ZNF354C: variants seen among roughly 807,000 people sequenced by gnomAD.
ZNF354C encodes the protein zinc finger protein 354C, also known as KRAB-zinc finger protein synten.
A neutral mutation model predicts 12.4 loss-of-function variants in ZNF354C; 7 were observed. The observed-to-expected ratio is 0.56, with a 90% CI of 0.32 to 1.06. The LOEUF (loss-of-function observed/expected upper bound fraction) is 1.06, where lower values mean the gene tolerates loss of function less well. Among genes scored for constraint, ZNF354C ranks in the 50% least tolerant of loss-of-function variants. The pLI, the probability that ZNF354C is intolerant of heterozygous loss-of-function variation, is 0.04. For missense variants in ZNF354C, 609 were observed against 658.0 expected, an observed-to-expected ratio of 0.93 and a Z score of 0.81; for synonymous variants, 202 against 224.5, an observed-to-expected ratio of 0.90 and a Z score of 0.90.
At chr5:179,077,223 A>G in intron 4 of ZNF354C, 57 bp downstream of exon 4, 1 of 1,386,632 alleles carries the variant, frequency 7.2e-7, no homozygotes, top group Admixed American at 1.7e-5. Context: ...AGTAGGTCAC[A>G]AAGAGGCAGT....
chr5:179,071,263 C>T (rs777777594), intron 2 of ZNF354C, among the ~76,000 whole-genome samples: 8 of 151,764 alleles, frequency 5.3e-5, no homozygotes, highest in South Asian at 2.1e-4. Flanking sequence ...CACACGCTAA[C>T]GAGAACAACT....
chr5:179,075,525 A>AT (rs1473811101), intron 2 of ZNF354C, among the ~76,000 whole-genome samples: 1 of 152,210 alleles, frequency 6.6e-6, no homozygotes. Flanking sequence ...ACTGTAAAAA[A>AT]CTGTAAGCCT....
chr5:179,077,197 G>C, intron 4 of ZNF354C, 31 bp downstream of exon 4: 2 of 1,577,756 alleles, frequency 1.3e-6, no homozygotes, highest in Non-Finnish European at 1.7e-6. Context: ...TGGGCACAAG[G>C]GGTTCTTTAT....
At chr5:179,071,389 C>CT (rs1762049921) in intron 2 of ZNF354C, among the ~76,000 whole-genome samples, 1 of 88,308 alleles carries the variant, frequency 1.1e-5, no homozygotes, top group Non-Finnish European at 2.4e-5. Context: ...TTTTTTTTTA[C>CT]TTTTTAAAAT....
chr5:179,077,108 G>T lies in ZNF354C; in HGVS notation c.192G>T (p.Leu64Phe). 1 of 1,614,210 alleles carries T rather than the reference G, an allele frequency of 6.2e-7. No homozygotes were observed. The highest frequency in any genetic ancestry group is 8.5e-7 in the Non-Finnish European group (1 of 1,180,040). Residue 64 changes from leucine (L) to phenylalanine (F), a missense_variant, in exon 4 of 5, where the codon TTG (leucine) becomes TTT (phenylalanine). Leu to Phe is a conservative substitution (Grantham distance 22, BLOSUM62 0). Coordinates refer to ENST00000315475, the MANE Select transcript of ZNF354C (RefSeq NM_014594.3). Reference protein sequence around the residue: ...PFSMPKLIHQLQQGEDPCMVE... With the variant: ...PFSMPKLIHQFQQGEDPCMVE... Reference sequence around the variant, plus strand: ...CAATGCCAAAGTTGATTCATCAGTTGCAGCAAGGAGAAGATCCCTGCATGG... The same window carrying T: ...CAATGCCAAAGTTGATTCATCAGTTTCAGCAAGGAGAAGATCCCTGCATGG...
rs779173380 is a variant in ZNF354C, at chr5:179,079,520, A to G, written c.1088A>G (p.Lys363Arg). Residue 363 changes from lysine (K) to arginine (R), a missense_variant, in exon 5 of 5, where the codon AAG becomes AGG. By Grantham distance (26) the Lys-to-Arg change is conservative. Transcript: ENST00000315475. The surrounding 1 kb of genome is among the most constrained non-coding windows in gnomAD (Gnocchi z 4.2). ...EKPYKCSECG[K>R]GYSQFTSLAE... ...CCCTATAAATGTAGTGAGTGTGGGA[A>G]GGGATACAGCCAGTTTACATCTCTA... 2 of 1,614,208 alleles carry G rather than the reference A, an allele frequency of 1.2e-6. No individual in the cohort carries two copies. The highest frequency in any genetic ancestry group is 1.7e-6 in the Non-Finnish European group (2 of 1,180,028).
At chr5:179,076,787 T>C (rs2113122711) in intron 3 of ZNF354C, among the ~76,000 whole-genome samples, 1 of 152,278 alleles carries the variant, frequency 6.6e-6, no homozygotes, top group Admixed American at 6.5e-5. Context: ...ATCAGTTCCC[T>C]CCTTGGAGTA....
chr5:179,075,302 G>A (rs1762103356), intron 2 of ZNF354C, among the ~76,000 whole-genome samples: 1 of 151,272 alleles, frequency 6.6e-6, no homozygotes, highest in South Asian at 2.1e-4. Flanking sequence ...TGTGCCTGTA[G>A]TCCCAGCTAC....
At chr5:179,062,859 G>T (rs1050597862) in intron 2 of ZNF354C, among the ~76,000 whole-genome samples, 5 of 152,012 alleles carry the variant, frequency 3.3e-5, no homozygotes, top group Non-Finnish European at 5.9e-5. Context: ...CTCTACCTGG[G>T]CTCTTTTTTC....
At position 179,068,624 on chromosome 5, in the gene ZNF354C, CTT is replaced by C. The variant is rs60825556; in HGVS notation, c.27+6543_27+6544del. 1.4e-3 allele frequency among the ~76,000 whole-genome samples: 191 copies of C among 140,342 alleles called. 1 individual carries two copies. The highest frequency in any genetic ancestry group is 0.012 in the East Asian group (57 of 4,826). 92.1% of individuals were successfully genotyped at this position (140,342 alleles called of 152,430 possible). ...ATGAAATTTTAAAAGAAAAAGAATG[CTT>C]TTTTTTTTTTTTTCCTGGAAGTATT... On this transcript the variant is annotated intron_variant, in intron 2 of 4. Transcript: ENST00000315475.
At chr5:179,075,426 A>C (rs1323773147) in intron 2 of ZNF354C, among the ~76,000 whole-genome samples, 1 of 151,876 alleles carries the variant, frequency 6.6e-6, no homozygotes, top group African/African-American at 2.4e-5. Flanking sequence ...ATCTCAAAAA[A>C]AAAATTATAA....
chr5:179,073,428 G>A (rs1198434210), intron 2 of ZNF354C, among the ~76,000 whole-genome samples: 2 of 152,164 alleles, frequency 1.3e-5, no homozygotes, highest in Non-Finnish European at 2.9e-5. Flanking sequence ...AAGTGCAGCT[G>A]ATTGCTTAAA....
At chr5:179,068,927 G>T (rs532548776) in intron 2 of ZNF354C, among the ~76,000 whole-genome samples, 2 of 152,348 alleles carry the variant, frequency 1.3e-5, no homozygotes, top group Admixed American at 6.5e-5. Flanking sequence ...CCTCTCCTGC[G>T]CATGAGCGTG....
Position 179,078,711 on chromosome 5 carries a change from A to C in ZNF354C, c.279A>C (p.Ala93=), listed in dbSNP as rs979280998. 2 of 1,601,272 alleles carry C rather than the reference A, an allele frequency of 1.2e-6. No individual in the cohort carries two copies. The highest frequency in any genetic ancestry group is 1.7e-4 in the Middle Eastern group (1 of 5,970). ...TCAAGACTTGGCTTGAAACAGAAGCATTGCCTCATAGACAGGACATTTTTA... is the reference window on the plus strand; with the variant it reads ...TCAAGACTTGGCTTGAAACAGAAGCCTTGCCTCATAGACAGGACATTTTTA... ...LGFKTWLETE[A]LPHRQDIFIE... Residue 93 remains alanine, a synonymous_variant, in exon 5 of 5, where the codon GCA becomes GCC. Transcript: ENST00000315475.
chr5:179,064,551 G>T (rs1465160960), intron 2 of ZNF354C, among the ~76,000 whole-genome samples: 3 of 151,694 alleles, frequency 2.0e-5, no homozygotes, highest in Admixed American at 1.3e-4. Flanking sequence ...CGAGTAGCTG[G>T]GACTACAGGC....
At position 179,082,475 on chromosome 5, in the gene ZNF354C, T is replaced by C; in HGVS notation, c.*2378T>C. The C allele has an allele frequency of 1.8e-6, 1 of 546,970 alleles. No individual in the cohort carries two copies. Among genetic ancestry groups the C allele is most frequent in the South Asian group, 2.4e-5 (1 of 41,696 alleles). 33.9% of individuals were successfully genotyped at this position (546,970 alleles called of 1,614,324 possible). A position where few individuals can be genotyped will look rare whatever the true frequency, so the allele number is the denominator to read the frequency against. On this transcript the variant is annotated 3_prime_UTR_variant, in exon 5 of 5. Coordinates refer to ENST00000315475, the MANE Select transcript of ZNF354C (RefSeq NM_014594.3). ...TATAGGACAACTGGACTTTTTTTTA[T>C]ATATTTATTTTAAAATGGTTTTCTT... is the stretch of plus-strand genomic sequence containing the variant.
intron 2 of ZNF354C, among the ~76,000 whole-genome samples, chr5:179,072,867 G>A (rs1762069123): frequency 6.6e-6 from 1 of 152,102 alleles, no homozygotes; most frequent in Non-Finnish European, 1.5e-5. Context: ...GTATGTGTGT[G>A]TATGTATGTT....
intron 2 of ZNF354C, among the ~76,000 whole-genome samples, chr5:179,068,357 A>AT (rs1229386079): frequency 6.6e-6 from 1 of 152,158 alleles, no homozygotes; most frequent in Non-Finnish European, 1.5e-5. Context: ...CATCCTTTCT[A>AT]TTTTTTAGCA....
At chr5:179,077,710 C>CT (rs1181671146) in intron 4 of ZNF354C, among the ~76,000 whole-genome samples, 1 of 151,552 alleles carries the variant, frequency 6.6e-6, no homozygotes, top group African/African-American at 2.4e-5. Context: ...ATGTTTTCCT[C>CT]TTTTTTATAA....
Sources: gnomAD v4.1 joint callset for allele counts (sites outside exome capture counted in the v4.1 genomes callset) on GRCh38, gnomAD v4.1.1 for gene constraint, Gnocchi (gnomAD v3.1) non-coding constraint, MANE v1.5 for transcripts, NCBI Gene and HGNC (gene_info 2026-07-23, HGNC 2026-07-21) for gene names.